WDR27: variants seen among roughly 807,000 people sequenced by gnomAD.
WDR27 encodes the protein WD repeat-containing protein 27.
Under a neutral mutation model 114.4 loss-of-function variants are expected in WDR27, and 100 were observed. That is an observed-to-expected ratio of 0.87 (90% CI 0.74 to 1.03). WDR27 has a LOEUF of 1.03. Ranked by LOEUF, WDR27 falls within the 50% of genes least tolerant of loss-of-function variation. The pLI, the probability that WDR27 is intolerant of heterozygous loss-of-function variation, is 0.00. For synonymous variants in WDR27, 449 were observed against 423.1 expected (o/e 1.06, Z -0.75); for missense variants, 1,129 against 1,092.9 (o/e 1.03, Z -0.47).
At position 169,507,719 on chromosome 6, in the gene WDR27, T is replaced by C. The variant is rs76446505; in HGVS notation, c.2646-50085A>G. On this transcript the variant is annotated intron_variant, in intron 25 of 25. Coordinates refer to ENST00000448612, the MANE Select transcript of WDR27 (RefSeq NM_182552.5). Reference sequence around the variant, plus strand: ...TAAGAATAATGTTTATATTTTGAAATGGTTGAAAACACTAAAGAATATTTT... The same window carrying C: ...TAAGAATAATGTTTATATTTTGAAACGGTTGAAAACACTAAAGAATATTTT... Among the ~76,000 whole-genome samples the C allele has an allele frequency of 1.5e-3, 235 of 152,332 alleles. 7 individuals carry two copies. In the East Asian group the frequency reaches 0.037, roughly 24 times the overall value.
At chr6:169,563,019 C>T (rs1224003906) in intron 25 of WDR27, among the ~76,000 whole-genome samples, 1 of 152,138 alleles carries the variant, frequency 6.6e-6, no homozygotes, top group East Asian at 1.9e-4. Flanking sequence ...AGGAGACACG[C>T]TGGGGCTTTT....
chr6:169,467,832 C>T (rs766746695), intron 25 of WDR27, among the ~76,000 whole-genome samples: 4 of 152,230 alleles, frequency 2.6e-5, no homozygotes, highest in Non-Finnish European at 4.4e-5. Context: ...TCAGAAAATA[C>T]GTTTTTGTTT....
At chr6:169,592,862 TG>T (rs2128157073) in intron 23 of WDR27, among the ~76,000 whole-genome samples, 1 of 152,306 alleles carries the variant, frequency 6.6e-6, no homozygotes, top group Non-Finnish European at 1.5e-5. Context: ...TTTTACCGGG[TG>T]TTTTAGCAGA....
At chr6:169,611,619 A>G (rs187096283) in intron 22 of WDR27, among the ~76,000 whole-genome samples, 34 of 152,324 alleles carry the variant, frequency 2.2e-4, no homozygotes, top group African/African-American at 6.3e-4. Context: ...CTGTACAAAA[A>G]TATTTTATTT....
At chr6:169,674,412 G>A (rs1484168592) in intron 2 of WDR27, among the ~76,000 whole-genome samples, 1 of 152,152 alleles carries the variant, frequency 6.6e-6, no homozygotes, top group Non-Finnish European at 1.5e-5. Flanking sequence ...AACTTCTGGA[G>A]ATGAAAACTA....
chr6:169,439,047 T>C, the WDR27 span, among the ~76,000 whole-genome samples: 2 of 152,318 alleles, frequency 1.3e-5, no homozygotes, highest in Admixed American at 1.3e-4. Flanking sequence ...CAAATTCTAA[T>C]TTAAGTACTT....
intron 25 of WDR27, among the ~76,000 whole-genome samples, chr6:169,569,408 T>TTA (rs1488933045): frequency 2.3e-4 from 35 of 152,198 alleles, no homozygotes; most frequent in Non-Finnish European, 4.3e-4. Context: ...AGGCAATGAG[T>TTA]TAAAGTTACA....
intron 14 of WDR27, 148 bp downstream of exon 14, chr6:169,651,782 C>T: frequency 1.5e-6 from 1 of 680,752 alleles, no homozygotes; most frequent in South Asian, 2.1e-5. Flanking sequence ...TGGGGTCCAA[C>T]CCACCACATT....
chr6:169,649,057 G>T, intron 15 of WDR27, 141 bp downstream of exon 15: 1 of 569,876 alleles, frequency 1.8e-6, no homozygotes, highest in Non-Finnish European at 3.0e-6. Context: ...AAATAATATA[G>T]ATATACATAT....
At chr6:169,589,370 A>G (rs1805264670) in intron 23 of WDR27, among the ~76,000 whole-genome samples, 1 of 152,204 alleles carries the variant, frequency 6.6e-6, no homozygotes, top group Admixed American at 6.5e-5. Context: ...TATTGCCCCA[A>G]TTCTATAGAC....
chr6:169,693,392 C>T (rs567829767), intron 1 of WDR27, among the ~76,000 whole-genome samples: 12 of 152,272 alleles, frequency 7.9e-5, no homozygotes, highest in Admixed American at 2.0e-4. Flanking sequence ...CTCCTTAAAA[C>T]GTAAATCTCA....
At chr6:169,438,462 C>T in the WDR27 span, among the ~76,000 whole-genome samples, 1 of 152,148 alleles carries the variant, frequency 6.6e-6, no homozygotes, top group African/African-American at 2.4e-5. Context: ...TGGTCTTGAT[C>T]TCCTGACCTC....
At chr6:169,546,527 C>T (rs2982406) in intron 25 of WDR27, among the ~76,000 whole-genome samples, 3,618 of 152,284 alleles carry the variant, frequency 0.024, 56 homozygotes, top group Non-Finnish European at 0.035. Context: ...TCTCCTCAGA[C>T]TTGCCTGGCC....
chr6:169,471,926 G>A (rs777938714), intron 25 of WDR27, among the ~76,000 whole-genome samples: 3 of 152,134 alleles, frequency 2.0e-5, no homozygotes, highest in Non-Finnish European at 4.4e-5. Flanking sequence ...CTCACATGGC[G>A]GGAGGGGCAG....
At chr6:169,565,855 GC>G (rs749723318) in intron 25 of WDR27, among the ~76,000 whole-genome samples, 2 of 152,150 alleles carry the variant, frequency 1.3e-5, no homozygotes, top group African/African-American at 2.4e-5. Context: ...TCACGATGTT[GC>G]CCAGACTGCT....
At chr6:169,514,084 G>A (rs753664619) in intron 25 of WDR27, among the ~76,000 whole-genome samples, 18 of 151,942 alleles carry the variant, frequency 1.2e-4, no homozygotes, top group Non-Finnish European at 1.9e-4. Flanking sequence ...ATTTCAGGAT[G>A]GATGAAGAGA....
intron 25 of WDR27, among the ~76,000 whole-genome samples, chr6:169,509,827 A>C (rs1481803896): frequency 1.3e-5 from 2 of 152,228 alleles, no homozygotes; most frequent in African/African-American, 4.8e-5. Context: ...AGAAACCACC[A>C]TCACAGTGAA....
intron 25 of WDR27, among the ~76,000 whole-genome samples, chr6:169,534,061 C>G (rs1795937254): frequency 6.6e-6 from 1 of 152,132 alleles, no homozygotes; most frequent in Non-Finnish European, 1.5e-5. Context: ...AAGGAAGCCC[C>G]CTTCCATTTG....
chr6:169,496,758 A>C (rs531014179), intron 25 of WDR27, among the ~76,000 whole-genome samples: 1 of 152,168 alleles, frequency 6.6e-6, no homozygotes. Flanking sequence ...TTGTACAATG[A>C]AAACTACAAA....
Sources: allele counts gnomAD v4.1 joint callset (sites outside exome capture counted in the v4.1 genomes callset), GRCh38; gene constraint gnomAD v4.1.1; transcripts MANE v1.5; gene names NCBI Gene and HGNC (gene_info 2026-07-23, HGNC 2026-07-21).